CNTNAP2: variants seen among roughly 807,000 people sequenced by gnomAD.
The protein encoded by CNTNAP2 is contactin-associated protein-like 2.
In CNTNAP2, 98 loss-of-function variants were observed where a neutral mutation model predicts 155.2. That is an observed-to-expected ratio of 0.63 (90% CI 0.54 to 0.75). The LOEUF is 0.75. Ranked by LOEUF, CNTNAP2 falls within the 30% of genes least tolerant of loss-of-function variation. The pLI is 0.00. For synonymous variants in CNTNAP2, 651 were observed against 631.2 expected, an observed-to-expected ratio of 1.03 and a Z score of -0.47; for missense variants, 1,727 against 1,688.1, an observed-to-expected ratio of 1.02 and a Z score of -0.40.
chr7:146,575,318 T>C lies in CNTNAP2; in HGVS notation c.98-198953T>C, dbSNP rs140236160. Among the ~76,000 whole-genome samples, 403 of 152,258 alleles carry C rather than the reference T, an allele frequency of 2.6e-3. 2 individuals are homozygous for C. Among genetic ancestry groups the C allele is most frequent in the African/African-American group, 9.3e-3 (388 of 41,568 alleles). ...TCTTAGTAGAGACAGGGTTTCATCA[T>C]ATTGGCCAGGCTGGTCTCAAACTCT... On this transcript the variant is annotated intron_variant, in intron 1 of 23. Coordinates refer to ENST00000361727, the MANE Select transcript of CNTNAP2 (RefSeq NM_014141.6).
At chr7:148,360,483 G>A (rs764783932) in intron 21 of CNTNAP2, among the ~76,000 whole-genome samples, 2 of 152,188 alleles carry the variant, frequency 1.3e-5, no homozygotes, top group African/African-American at 4.8e-5. Flanking sequence ...GAAATGGAAC[G>A]TGAGGAATAT....
intron 1 of CNTNAP2, among the ~76,000 whole-genome samples, chr7:146,231,332 G>T (rs1007390325): frequency 6.6e-6 from 1 of 152,124 alleles, no homozygotes; most frequent in Non-Finnish European, 1.5e-5. Context: ...TAAGACGCAG[G>T]AGTGAACCTG....
At chr7:146,306,566 T>C (rs1800716851) in intron 1 of CNTNAP2, among the ~76,000 whole-genome samples, 1 of 152,122 alleles carries the variant, frequency 6.6e-6, no homozygotes, top group Non-Finnish European at 1.5e-5. Context: ...GTTGGCTTCA[T>C]CCCTAGGATG....
intron 9 of CNTNAP2, among the ~76,000 whole-genome samples, chr7:147,343,662 T>A (rs111897176): frequency 3.4e-4 from 52 of 152,218 alleles, no homozygotes; most frequent in Non-Finnish European, 1.0e-4. Context: ...AGTACTGAAA[T>A]CACTCAGTGC....
intron 12 of CNTNAP2, among the ~76,000 whole-genome samples, chr7:147,582,217 G>A (rs1030612594): frequency 5.9e-5 from 9 of 152,060 alleles, no homozygotes; most frequent in Non-Finnish European, 1.3e-4. Context: ...CTTGTAGATT[G>A]CATGTTCTTA....
At chr7:147,653,352 A>G (rs968884766) in intron 13 of CNTNAP2, among the ~76,000 whole-genome samples, 2 of 152,188 alleles carry the variant, frequency 1.3e-5, no homozygotes, top group African/African-American at 4.8e-5. Flanking sequence ...TTTGCTTTTG[A>G]TAGAGTTCTC....
intron 2 of CNTNAP2, among the ~76,000 whole-genome samples, chr7:146,809,157 T>C (rs74739251): frequency 0.014 from 2,192 of 152,342 alleles, 47 homozygotes; most frequent in African/African-American, 0.047. Flanking sequence ...GTTTCCATAA[T>C]AATTGTATCA....
Position 146,643,575 on chromosome 7 carries a change from G to C in CNTNAP2, c.98-130696G>C, listed in dbSNP as rs534062945. Among the ~76,000 whole-genome samples the C allele has an allele frequency of 3.5e-3, 539 of 152,142 alleles. 1 individual carries two copies. The highest frequency in any genetic ancestry group is 5.7e-3 in the Non-Finnish European group (389 of 67,962). ...TTGGTTACTGTAGCCTTGTAGTATA[G>C]TTTGAAGTCAGGTAGCGTGATGCCT... On this transcript the variant is annotated intron_variant, in intron 1 of 23. Transcript: ENST00000361727.
At position 146,281,095 on chromosome 7, in the gene CNTNAP2, A is replaced by T. The variant is rs531085691; in HGVS notation, c.97+164122A>T. ...AGGAGGCAGAATTCTACATGGGCCA[A>T]GGCGGGTCACAGCTCTATGTTTAAT... On this transcript the variant is annotated intron_variant, in intron 1 of 23. Coordinates refer to ENST00000361727, the MANE Select transcript of CNTNAP2 (RefSeq NM_014141.6). Among the ~76,000 whole-genome samples, 308 of 152,292 alleles carry T rather than the reference A, an allele frequency of 2.0e-3. 3 individuals are homozygous for T. Among genetic ancestry groups the T allele is most frequent in the African/African-American group, 7.0e-3 (289 of 41,564 alleles).
intron 17 of CNTNAP2, among the ~76,000 whole-genome samples, chr7:148,154,232 T>C (rs1026063689): frequency 3.3e-5 from 5 of 152,228 alleles, no homozygotes; most frequent in African/African-American, 1.2e-4. Context: ...TCAGGAGGAC[T>C]CAGAGACTAC....
intron 3 of CNTNAP2, among the ~76,000 whole-genome samples, chr7:146,873,660 G>T (rs1404468730): frequency 6.6e-6 from 1 of 152,012 alleles, no homozygotes; most frequent in African/African-American, 2.4e-5. Context: ...TAAGCATGGA[G>T]AATAGGACAT....
At chr7:148,114,910 A>G (rs914990236) in intron 15 of CNTNAP2, among the ~76,000 whole-genome samples, 1 of 152,132 alleles carries the variant, frequency 6.6e-6, no homozygotes, top group Non-Finnish European at 1.5e-5. Context: ...CCTGAGCCGC[A>G]CTCCTACTTT....
At chr7:147,729,089 C>T (rs1335710308) in intron 13 of CNTNAP2, among the ~76,000 whole-genome samples, 1 of 150,780 alleles carries the variant, frequency 6.6e-6, no homozygotes, top group Non-Finnish European at 1.5e-5. Flanking sequence ...TACACACTAC[C>T]ATATCTGGCT....
chr7:146,576,449 G>C (rs772618136), intron 1 of CNTNAP2, among the ~76,000 whole-genome samples: 6 of 152,300 alleles, frequency 3.9e-5, no homozygotes, highest in Admixed American at 6.5e-5. Flanking sequence ...GAAGAACCCA[G>C]AGTGTGAGCA....
At chr7:147,547,095 G>A (rs1278469218) in intron 11 of CNTNAP2, among the ~76,000 whole-genome samples, 2 of 152,158 alleles carry the variant, frequency 1.3e-5, no homozygotes, top group African/African-American at 4.8e-5. Context: ...GTCTGATACA[G>A]CCCACCCCTT....
intron 3 of CNTNAP2, among the ~76,000 whole-genome samples, chr7:147,013,516 G>A (rs953297602): frequency 6.6e-6 from 1 of 152,028 alleles, no homozygotes; most frequent in Non-Finnish European, 1.5e-5. Flanking sequence ...GATACCAGCT[G>A]TTCTTCCATC....
intron 7 of CNTNAP2, among the ~76,000 whole-genome samples, chr7:147,129,825 ATTAT>A (rs1801316833): frequency 6.6e-6 from 1 of 152,188 alleles, no homozygotes; most frequent in Non-Finnish European, 1.5e-5. Context: ...CATGCAAATG[ATTAT>A]TTAATAAATA....
At chr7:146,983,248 G>A (rs2129237215) in intron 3 of CNTNAP2, among the ~76,000 whole-genome samples, 1 of 152,228 alleles carries the variant, frequency 6.6e-6, no homozygotes, top group African/African-American at 2.4e-5. Flanking sequence ...GTGGGAGTGT[G>A]AAGCCTAGGA....
intron 21 of CNTNAP2, among the ~76,000 whole-genome samples, chr7:148,309,794 T>C (rs1017172516): frequency 4.6e-5 from 7 of 152,178 alleles, no homozygotes; most frequent in African/African-American, 1.7e-4. Context: ...ACAGGGGATA[T>C]GATGGCTTAG....
Sources: gnomAD v4.1 joint callset for allele counts (sites outside exome capture counted in the v4.1 genomes callset) on GRCh38, gnomAD v4.1.1 for gene constraint, MANE v1.5 for transcripts, NCBI Gene and HGNC (gene_info 2026-07-23, HGNC 2026-07-21) for gene names.